Variants in ZNF600 observed in about 807,000 individuals in gnomAD.
ZNF600 encodes zinc finger protein KR-ZNF1.
A neutral mutation model predicts 7.3 loss-of-function variants in ZNF600; 4 were observed. That is an observed-to-expected ratio of 0.55 (90% CI 0.27 to 1.25). The LOEUF (loss-of-function observed/expected upper bound fraction) is 1.25. Among genes scored for constraint, ZNF600 ranks in the 50% most tolerant of loss-of-function variants. The probability of loss-of-function intolerance (pLI) is 0.12; values close to 1 mark genes in which losing one functional copy is unlikely to be tolerated. For synonymous variants in ZNF600, 290 were observed against 308.9 expected, an observed-to-expected ratio of 0.94 and a Z score of 0.64; for missense variants, 911 against 922.1, an observed-to-expected ratio of 0.99 and a Z score of 0.16.
At chr19:52,774,733 T>G in intron 2 of ZNF600, 32 bp from the exon 5 acceptor site, 1 of 985,358 alleles carries the variant, frequency 1.0e-6, no homozygotes, top group Non-Finnish European at 1.2e-6. Flanking sequence ...CACAAAACAT[T>G]ATGGAGGATT....
the ZNF600 span, chr19:52,800,560 GT>G: frequency 6.2e-7 from 1 of 1,612,920 alleles, no homozygotes; most frequent in African/African-American, 1.3e-5. Context: ...ATTATACTAT[GT>G]TTTGCCAGGT....
intron 1 of ZNF600, among the ~76,000 whole-genome samples, chr19:52,785,118 CT>C (rs1241586042): frequency 6.6e-6 from 1 of 151,948 alleles, no homozygotes; most frequent in African/African-American, 2.4e-5. Context: ...CTCTTGTTTT[CT>C]TTTCTTTTTC....
At chr19:52,792,149 C>G in the ZNF600 span, among the ~76,000 whole-genome samples, 1 of 152,206 alleles carries the variant, frequency 6.6e-6, no homozygotes, top group African/African-American at 2.4e-5. Flanking sequence ...CACGTTCAGG[C>G]TCTGCCCTCC....
the ZNF600 span, chr19:52,810,755 G>C: frequency 2.1e-6 from 1 of 470,978 alleles, no homozygotes; most frequent in Non-Finnish European, 3.7e-6. Context: ...GAAAGAAGGG[G>C]AAAAAAAAAG....
the ZNF600 span, chr19:52,805,326 A>C: frequency 1.3e-5 from 2 of 150,658 alleles, no homozygotes; most frequent in African/African-American, 4.9e-5. Flanking sequence ...ACCCACAAGC[A>C]TATATAAAGT....
the ZNF600 span, among the ~76,000 whole-genome samples, chr19:52,832,392 T>C: frequency 0.48 from 72,532 of 151,590 alleles, 18,639 homozygotes; most frequent in African/African-American, 0.66. Context: ...CAGGAGTTCC[T>C]GACCAGCCTG....
chr19:52,771,135 G>A (rs893388604), intron 3 of ZNF600, among the ~76,000 whole-genome samples: 23 of 151,964 alleles, frequency 1.5e-4, no homozygotes, highest in African/African-American at 5.5e-4. Flanking sequence ...GACTGGCCAG[G>A]ACTACTGTTT....
At chr19:52,809,533 C>A in the ZNF600 span, among the ~76,000 whole-genome samples, 318 of 152,228 alleles carry the variant, frequency 2.1e-3, 2 homozygotes, top group African/African-American at 7.4e-3. Flanking sequence ...ATGGGCCTGG[C>A]GCGGTGGCTC....
chr19:52,764,541 A>G (rs2062553781), downstream of ZNF600: 1 of 128,032 alleles, frequency 7.8e-6, no homozygotes, highest in African/African-American at 3.0e-5. Context: ...TTTTTTTGAG[A>G]CAGATTCTCA....
chr19:52,781,774 A>C (rs2062723766), intron 1 of ZNF600, among the ~76,000 whole-genome samples: 1 of 151,708 alleles, frequency 6.6e-6, no homozygotes, highest in African/African-American at 2.4e-5. Flanking sequence ...AAAAAAAAAA[A>C]AACAGCGGTC....
the ZNF600 span, among the ~76,000 whole-genome samples, chr19:52,802,744 GA>G: frequency 4.0e-5 from 6 of 148,950 alleles, no homozygotes; most frequent in African/African-American, 1.5e-4. Flanking sequence ...TATCCATGTG[GA>G]ACAGGCACGT....
chr19:52,765,199 G>C (rs878980004), exon 4 of ZNF600: 2 of 488,934 alleles, frequency 4.1e-6, no homozygotes, highest in Non-Finnish European at 8.2e-6. Context: ...TGAATTTTCT[G>C]ATGTTCTGCA....
chr19:52,823,402 C>G, the ZNF600 span, among the ~76,000 whole-genome samples: 716 of 152,034 alleles, frequency 4.7e-3, 7 homozygotes, highest in African/African-American at 0.016. Flanking sequence ...TTTCAGTAGA[C>G]ACGGGGTTTC....
chr19:52,765,273 G>T (rs1245463626), exon 4 of ZNF600: 37 of 604,162 alleles, frequency 6.1e-5, no homozygotes, highest in South Asian at 1.6e-4. Context: ...CTGTCCAGTA[G>T]GGATTCTCTG....
the ZNF600 span, among the ~76,000 whole-genome samples, chr19:52,816,636 C>T: frequency 4.0e-5 from 5 of 124,616 alleles, no homozygotes; most frequent in African/African-American, 1.8e-4. Flanking sequence ...AGCACTCCAC[C>T]CTGGGTGACA....
upstream of ZNF600, among the ~76,000 whole-genome samples, chr19:52,788,781 G>A (rs939110151): frequency 5.3e-5 from 8 of 152,138 alleles, no homozygotes; most frequent in African/African-American, 1.9e-4. Context: ...GATGTTCAAT[G>A]CTGGAGACAG....
At chr19:52,822,638 A>G in the ZNF600 span, among the ~76,000 whole-genome samples, 4 of 152,160 alleles carry the variant, frequency 2.6e-5, no homozygotes, top group Non-Finnish European at 5.9e-5. Context: ...CTCAGGGAAG[A>G]TTAGTTGACA....
chr19:52,818,762 A>G, the ZNF600 span, among the ~76,000 whole-genome samples: 1 of 150,748 alleles, frequency 6.6e-6, no homozygotes, highest in Admixed American at 6.6e-5. Flanking sequence ...ACACACCTGT[A>G]ATCTTAGCTA....
chr19:52,794,213 T>C, the ZNF600 span, among the ~76,000 whole-genome samples: 1 of 152,110 alleles, frequency 6.6e-6, no homozygotes, highest in Non-Finnish European at 1.5e-5. Context: ...TTCAAGATGA[T>C]TTGAGTCTAA....
Sources: allele counts gnomAD v4.1 joint callset (sites outside exome capture counted in the v4.1 genomes callset), GRCh38; gene constraint gnomAD v4.1.1; transcripts MANE v1.5; gene names NCBI Gene and HGNC (gene_info 2026-07-23, HGNC 2026-07-21).